The following DMD variants were observed in gnomAD, a reference collection of about 807,000 sequenced individuals.
DMD encodes dystrophin.
A neutral mutation model predicts 330.1 loss-of-function variants in DMD; 63 were observed. The ratio of observed to expected loss-of-function variants is 0.19; its 90% CI spans 0.16 to 0.24. DMD has a LOEUF of 0.24. DMD is among the 10% of genes least tolerant of loss of function. The pLI, the probability that DMD is intolerant of heterozygous loss-of-function variation, is 1.00. For missense variants in DMD, 3,344 were observed against 2,684.1 expected (o/e 1.25, Z -5.43); for synonymous variants, 1,223 against 959.8 (o/e 1.27, Z -5.07).
intron 1 of DMD, among the ~76,000 whole-genome samples, chrX:33,316,764 C>T (rs920933971): frequency 2.7e-5 from 3 of 110,911 alleles, no homozygotes; most frequent in Admixed American, 1.9e-4. Context: ...AGCAATTCCT[C>T]CCACATTAAT....
intron 6 of DMD, 42 bp from the exon 7 acceptor site, chrX:32,809,653 A>G (rs1275603916): frequency 9.4e-6 from 10 of 1,067,153 alleles, no homozygotes; most frequent in Non-Finnish European, 1.3e-5. Context: ...AGACAAATAT[A>G]AATCAATCTA....
chrX:32,807,667 A>G (rs1211846897), intron 7 of DMD, among the ~76,000 whole-genome samples: 1 of 110,949 alleles, frequency 9.0e-6, no homozygotes, highest in African/African-American at 3.3e-5. Context: ...AGGCTCGTCA[A>G]CCTACTTTTT....
At chrX:33,162,166 T>C (rs1172223832) in intron 1 of DMD, among the ~76,000 whole-genome samples, 1 of 112,224 alleles carries the variant, frequency 8.9e-6, no homozygotes, top group East Asian at 2.8e-4. Flanking sequence ...ATATTCCTCT[T>C]GGATAAGAGA....
At chrX:32,079,397 C>A (rs1432301148) in intron 44 of DMD, among the ~76,000 whole-genome samples, 1 of 110,753 alleles carries the variant, frequency 9.0e-6, no homozygotes, top group Non-Finnish European at 1.9e-5. Flanking sequence ...AAGTTTGAGA[C>A]CAGCCTGGGC....
At chrX:33,175,852 T>C (rs1413541350) in intron 1 of DMD, among the ~76,000 whole-genome samples, 1 of 112,097 alleles carries the variant, frequency 8.9e-6, no homozygotes, top group Non-Finnish European at 1.9e-5. Context: ...TATTATTTTA[T>C]TAAATGTATA....
intron 16 of DMD, among the ~76,000 whole-genome samples, chrX:32,558,534 A>G (rs1457001631): frequency 8.9e-6 from 1 of 111,745 alleles, no homozygotes; most frequent in Non-Finnish European, 1.9e-5. Flanking sequence ...TTTCATAATT[A>G]AGTCTCCTTT....
intron 27 of DMD, among the ~76,000 whole-genome samples, chrX:32,442,353 A>G (rs1032546170): frequency 1.8e-5 from 2 of 111,089 alleles, no homozygotes; most frequent in Admixed American, 1.9e-4. Context: ...AATGAAAAGA[A>G]AACCTGAACC....
intron 2 of DMD, among the ~76,000 whole-genome samples, chrX:32,948,893 A>G (rs2091002803): frequency 8.9e-6 from 1 of 111,799 alleles, no homozygotes; most frequent in Non-Finnish European, 1.9e-5. Context: ...CGATACCAAG[A>G]TGTGATTGTC....
At chrX:32,587,421 A>C (rs1170940755) in intron 13 of DMD, among the ~76,000 whole-genome samples, 1 of 112,324 alleles carries the variant, frequency 8.9e-6, no homozygotes, top group Non-Finnish European at 1.9e-5. Flanking sequence ...ACCTTTAAAA[A>C]TTATCACTGT....
chrX:33,056,205 C>A (rs2094514916), intron 1 of DMD, among the ~76,000 whole-genome samples: 1 of 110,579 alleles, frequency 9.0e-6, no homozygotes, highest in African/African-American at 3.3e-5. Context: ...CCTTAGGTTC[C>A]TGAAAATAGA....
rs138437480 is a variant in DMD, at chrX:33,061,483, G to C, written c.32-41283C>G. On this transcript the variant is annotated intron_variant, in intron 1 of 78. Coordinates refer to ENST00000357033, the MANE Select transcript of DMD (RefSeq NM_004006.3). ...TTGTAGGTTAGTAGTGATATTGTAG[G>C]CATATTCGATGGATCAATATATATG... is the stretch of plus-strand genomic sequence containing the variant. Among the ~76,000 whole-genome samples, 932 of 111,414 alleles carry C rather than the reference G, an allele frequency of 8.4e-3. 5 individuals carry two copies. The highest frequency in any genetic ancestry group is 0.029 in the African/African-American group (900 of 30,669).
intron 7 of DMD, among the ~76,000 whole-genome samples, chrX:32,740,402 G>T (rs1339914249): frequency 9.1e-6 from 1 of 110,379 alleles, no homozygotes; most frequent in African/African-American, 3.3e-5. Context: ...CAGATTTATG[G>T]TATCTATGGA....
intron 21 of DMD, 78 bp downstream of exon 21, chrX:32,484,841 T>A: frequency 9.8e-7 from 1 of 1,024,185 alleles, no homozygotes; most frequent in Non-Finnish European, 1.4e-6. Flanking sequence ...TATTGTTTCA[T>A]GTTAGTACCT....
At chrX:33,013,417 T>C (rs1335903647) in intron 2 of DMD, among the ~76,000 whole-genome samples, 1 of 111,513 alleles carries the variant, frequency 9.0e-6, no homozygotes, top group African/African-American at 3.3e-5. Context: ...CACTAAATAA[T>C]TCAATTGTTA....
At chrX:32,932,743 T>C (rs2089698633) in intron 2 of DMD, among the ~76,000 whole-genome samples, 1 of 111,824 alleles carries the variant, frequency 8.9e-6, no homozygotes, top group Non-Finnish European at 1.9e-5. Flanking sequence ...ATATCAGATC[T>C]GCTGGTTACA....
intron 51 of DMD, among the ~76,000 whole-genome samples, chrX:31,744,581 T>C (rs2087663560): frequency 8.9e-6 from 1 of 112,281 alleles, no homozygotes; most frequent in Non-Finnish European, 1.9e-5. Flanking sequence ...TTGTCCCTAT[T>C]CAGAGGAATC....
rs1378212372 is a variant in DMD, at chrX:31,343,657, C to CAG, written c.9163+4897_9163+4898dup. 7.7e-5 allele frequency among the ~76,000 whole-genome samples: 7 copies of CAG among 91,252 alleles called. No homozygotes were observed. In the East Asian group the frequency reaches 1.0e-3, roughly 13 times the overall value. The allele number at this position is 91,252 out of a possible 115,157, so 79.2% of individuals were successfully genotyped here. ...AGAGAGAGTGCACACACGTGCGAGA[C>CAG]AGAGAGAGAGAGAGAATAAGATAAA... On this transcript the variant is annotated intron_variant, in intron 61 of 78. Transcript: ENST00000357033.
chrX:32,598,964 A>C (rs1443302693), intron 12 of DMD, among the ~76,000 whole-genome samples: 3 of 111,884 alleles, frequency 2.7e-5, no homozygotes, highest in African/African-American at 9.7e-5. Context: ...AGAGTGCTGG[A>C]GTAGATTTGC....
At chrX:31,943,889 GAGA>G (rs1313926045) in intron 45 of DMD, among the ~76,000 whole-genome samples, 1,921 of 60,082 alleles carry the variant, frequency 0.032, 52 homozygotes, top group African/African-American at 0.13. Flanking sequence ...GAGAGAGAGA[GAGA>G]GAGAGAGAGA....
Sources: gnomAD v4.1 joint callset for allele counts (sites outside exome capture counted in the v4.1 genomes callset) on GRCh38, gnomAD v4.1.1 for gene constraint, MANE v1.5 for transcripts, NCBI Gene and HGNC (gene_info 2026-07-23, HGNC 2026-07-21) for gene names.